AOPEP: variants seen among roughly 807,000 people sequenced by gnomAD.
AOPEP encodes the protein aminopeptidase O.
Under a neutral mutation model 98.1 loss-of-function variants are expected in AOPEP, and 77 were observed. The observed-to-expected ratio is 0.78, with a 90% confidence interval of 0.65 to 0.95. The LOEUF (loss-of-function observed/expected upper bound fraction) is 0.95, where lower values mean the gene tolerates loss of function less well. Ranked by LOEUF, AOPEP falls within the 40% of genes least tolerant of loss-of-function variation. The pLI is 0.00. For synonymous variants in AOPEP, 346 were observed against 365.3 expected (o/e 0.95, Z 0.60); for missense variants, 1,024 against 1,024.7 (o/e 1.00, Z 0.01).
intron 3 of AOPEP, among the ~76,000 whole-genome samples, chr9:94,781,119 C>A (rs1009100522): frequency 2.0e-5 from 3 of 151,202 alleles, no homozygotes; most frequent in Non-Finnish European, 4.4e-5. Context: ...AAGGCTAAGA[C>A]AAGGCCATAG....
chr9:95,126,493 T>C, the AOPEP span: 6 of 1,595,624 alleles, frequency 3.8e-6, no homozygotes, highest in East Asian at 4.5e-5. Flanking sequence ...GAACCTTTTT[T>C]ACATCAATTA....
the AOPEP span, among the ~76,000 whole-genome samples, chr9:95,105,353 G>T: frequency 1.3e-5 from 2 of 152,188 alleles, no homozygotes; most frequent in South Asian, 4.1e-4. Flanking sequence ...TATTCCTCTC[G>T]AGTTGGCTGC....
intron 5 of AOPEP, among the ~76,000 whole-genome samples, chr9:94,916,489 G>A (rs1425819563): frequency 6.6e-6 from 1 of 152,048 alleles, no homozygotes; most frequent in South Asian, 2.1e-4. Context: ...CAGACCATGA[G>A]GTCAGGAATT....
chr9:94,838,329 A>G (rs1182571321), intron 5 of AOPEP, among the ~76,000 whole-genome samples: 1 of 152,184 alleles, frequency 6.6e-6, no homozygotes, highest in African/African-American at 2.4e-5. Context: ...TAATGTTTTA[A>G]CATTATTTGT....
intron 14 of AOPEP, among the ~76,000 whole-genome samples, chr9:95,065,762 C>T (rs969314591): frequency 2.6e-5 from 4 of 152,224 alleles, no homozygotes; most frequent in Non-Finnish European, 4.4e-5. Context: ...CTCCACCTGG[C>T]AACCCACAGA....
chr9:94,764,922 G>T (rs1344348001), intron 2 of AOPEP, among the ~76,000 whole-genome samples: 3 of 152,086 alleles, frequency 2.0e-5, no homozygotes, highest in Non-Finnish European at 4.4e-5. Flanking sequence ...CACCCAGGGT[G>T]GAGAGCAGTG....
chr9:94,796,735 C>T (rs1847024967), intron 4 of AOPEP, among the ~76,000 whole-genome samples: 1 of 152,214 alleles, frequency 6.6e-6, no homozygotes, highest in African/African-American at 2.4e-5. Context: ...TTCACACATG[C>T]TCCAGCCACT....
chr9:94,744,210 A>G (rs892748598), intron 1 of AOPEP, among the ~76,000 whole-genome samples: 6 of 151,762 alleles, frequency 4.0e-5, no homozygotes, highest in South Asian at 2.1e-4. Context: ...GGCTCACACA[A>G]TGAAACTCCA....
At chr9:95,135,612 A>G in the AOPEP span, 1 of 894,394 alleles carries the variant, frequency 1.1e-6, no homozygotes, top group South Asian at 1.5e-5. Context: ...ACTTCTCATC[A>G]TGGTCACAGC....
chr9:94,884,935 G>T (rs2048028018), intron 5 of AOPEP, among the ~76,000 whole-genome samples: 1 of 150,402 alleles, frequency 6.6e-6, no homozygotes, highest in South Asian at 2.1e-4. Flanking sequence ...CGTGAACCCG[G>T]GAGGCGGAGC....
chr9:95,134,896 T>TCTTAG, the AOPEP span, among the ~76,000 whole-genome samples: 14 of 152,334 alleles, frequency 9.2e-5, no homozygotes, highest in Admixed American at 3.3e-4. Context: ...CTTACAGAAG[T>TCTTAG]CTTAGCTGGT....
At chr9:94,817,796 A>G (rs1197826850) in intron 5 of AOPEP, among the ~76,000 whole-genome samples, 2 of 152,174 alleles carry the variant, frequency 1.3e-5, no homozygotes, top group African/African-American at 2.4e-5. Flanking sequence ...TGCTGGGTCC[A>G]AAGAGTTCCC....
intron 9 of AOPEP, among the ~76,000 whole-genome samples, chr9:94,964,427 C>T (rs1398125238): frequency 1.3e-5 from 2 of 152,174 alleles, no homozygotes; most frequent in Non-Finnish European, 2.9e-5. Flanking sequence ...CCAATTGTAA[C>T]TGGAAAATGC....
chr9:95,097,060 T>C, the AOPEP span, among the ~76,000 whole-genome samples: 1 of 152,190 alleles, frequency 6.6e-6, no homozygotes, highest in South Asian at 2.1e-4. Flanking sequence ...GCCAACACCC[T>C]GCAGTGCACA....
chr9:95,076,964 A>G (rs1202871283), intron 14 of AOPEP, among the ~76,000 whole-genome samples: 1 of 151,878 alleles, frequency 6.6e-6, no homozygotes, highest in Non-Finnish European at 1.5e-5. Flanking sequence ...TCATAATTTC[A>G]GATTTAAAGT....
chr9:95,020,972 T>G (rs562003030), intron 13 of AOPEP, among the ~76,000 whole-genome samples: 2 of 149,182 alleles, frequency 1.3e-5, no homozygotes, highest in South Asian at 4.3e-4. Context: ...ACATTTTGTT[T>G]TGAAATGCAG....
chr9:94,849,311 T>C (rs962539797), intron 5 of AOPEP, among the ~76,000 whole-genome samples: 23 of 152,162 alleles, frequency 1.5e-4, no homozygotes, highest in Admixed American at 1.5e-3. Context: ...GGTTTTAGGG[T>C]TAAATGAGAT....
intron 14 of AOPEP, among the ~76,000 whole-genome samples, chr9:95,066,885 T>G (rs2067956152): frequency 6.6e-6 from 1 of 152,224 alleles, no homozygotes; most frequent in South Asian, 2.1e-4. Context: ...GCTTCTGGGT[T>G]CTTTACAGCT....
chr9:94,884,038 G>A (rs927775335), intron 5 of AOPEP, among the ~76,000 whole-genome samples: 1 of 152,130 alleles, frequency 6.6e-6, no homozygotes, highest in Non-Finnish European at 1.5e-5. Flanking sequence ...GACATTTCAC[G>A]AGGGGCATCC....
Sources: allele counts gnomAD v4.1 joint callset (sites outside exome capture counted in the v4.1 genomes callset), GRCh38; gene constraint gnomAD v4.1.1; transcripts MANE v1.5; gene names NCBI Gene and HGNC (gene_info 2026-07-23, HGNC 2026-07-21).